Variants in POMT2 observed in about 807,000 individuals in gnomAD.
The protein encoded by POMT2 is protein O-mannosyltransferase 2.
A neutral mutation model predicts 100.0 loss-of-function variants in POMT2; 75 were observed. The ratio of observed to expected loss-of-function variants is 0.75; its 90% CI spans 0.62 to 0.91. The LOEUF is 0.91. Ranked by LOEUF, POMT2 falls within the 40% of genes least tolerant of loss-of-function variation. The pLI is 0.00. For missense variants in POMT2, 940 were observed against 955.1 expected (o/e 0.98, Z 0.21); for synonymous variants, 378 against 374.1 (o/e 1.01, Z -0.12).
At chr14:77,296,486 T>C in intron 8 of POMT2, 3 of 581,770 alleles carry the variant, frequency 5.2e-6, no homozygotes, top group Non-Finnish European at 9.3e-6. Flanking sequence ...TCCTGAGGGC[T>C]TCAGAAGAAG....
intron 8 of POMT2, 34 bp downstream of exon 8, chr14:77,298,655 C>T: frequency 6.2e-7 from 1 of 1,610,698 alleles, no homozygotes; most frequent in East Asian, 2.2e-5. Flanking sequence ...CACCCCTCTG[C>T]CTTCTACCTT....
chr14:77,279,973 C>G, intron 17 of POMT2, 45 bp from the exon 18 acceptor site: 1 of 1,614,160 alleles, frequency 6.2e-7, no homozygotes, highest in Non-Finnish European at 8.5e-7. Context: ...AGCCGCTCTC[C>G]ACGGGCAAGT....
At chr14:77,318,402 A>G (rs1451902828) in intron 1 of POMT2, among the ~76,000 whole-genome samples, 2 of 152,248 alleles carry the variant, frequency 1.3e-5, no homozygotes, top group African/African-American at 4.8e-5. Context: ...GTGCCTGATG[A>G]CATCAACACC....
chr14:77,320,317 C>T, intron 1 of POMT2, 117 bp downstream of exon 1: 3 of 1,514,100 alleles, frequency 2.0e-6, no homozygotes, highest in Non-Finnish European at 2.7e-6. Flanking sequence ...CCTCAAGTTC[C>T]CCTCCACCGT....
At chr14:77,309,125 A>G (rs1159000643) in intron 2 of POMT2, among the ~76,000 whole-genome samples, 1 of 152,246 alleles carries the variant, frequency 6.6e-6, no homozygotes, top group African/African-American at 2.4e-5. Flanking sequence ...GTGTGTATAT[A>G]TAATGTGTTG....
rs1239002319 is a variant in POMT2, at chr14:77,296,259, A to T, written c.1021T>A (p.Ser341Thr). ...ASIPEHLAYG[S>T]VITVKNLRMA... ...CGGAGGTTCTTCACAGTGATCACAG[A>T]GCCGTAGGCCAGGTCTGGGAGGAAG... The change falls in exon 9 of 21, where the codon TCT becomes ACT. Residue 341 changes from serine to threonine, a missense_variant. Ser to Thr is a moderately conservative substitution (Grantham distance 58). Coordinates refer to ENST00000261534, the MANE Select transcript of POMT2 (RefSeq NM_013382.7). The T allele has an allele frequency of 6.2e-7, 1 of 1,603,256 alleles. No individual in the cohort carries two copies. The highest frequency in any genetic ancestry group is 1.1e-5 in the South Asian group (1 of 88,586).
Position 77,320,785 on chromosome 14 carries a change from T to C in POMT2, c.-104A>G, listed in dbSNP as rs1175213956. On this transcript the variant is annotated 5_prime_UTR_variant, in exon 1 of 21. Coordinates refer to ENST00000261534, the MANE Select transcript of POMT2 (RefSeq NM_013382.7). The stretch of plus-strand genomic sequence containing the variant: ...GGGCAGCTCGGGGTACCCCGGGAAA[T>C]GCAACGCCCTTCACTGCAGCGGAGC... The C allele has an allele frequency of 1.4e-6, 2 of 1,479,506 alleles. No individual in the cohort carries two copies. The highest frequency in any genetic ancestry group is 1.8e-6 in the Non-Finnish European group (2 of 1,124,922). 91.6% of individuals were successfully genotyped at this position (1,479,506 alleles called of 1,614,324 possible).
Position 77,285,562 on chromosome 14 carries a change from T to A in POMT2, c.1403A>T (p.Lys468Ile). The change falls in exon 13 of 21, where the codon AAA becomes ATA. Residue 468 changes from lysine to isoleucine, a missense_variant. Lys to Ile is a moderately radical substitution (Grantham distance 102, BLOSUM62 -3). Coordinates refer to ENST00000261534, the MANE Select transcript of POMT2 (RefSeq NM_013382.7). ...GAAGCGAATTCGACTTCTCAGCACT[T>A]TGATCCGGTTTCCAAATTTCCTGTT... is the stretch of plus-strand genomic sequence containing the variant. The part of the protein sequence containing the change: ...VVNRKFGNRI[K>I]VLRSRIRFIH... The A allele has an allele frequency of 8.7e-6, 14 of 1,614,156 alleles. No individual in the cohort carries two copies. Among genetic ancestry groups the A allele is most frequent in the Non-Finnish European group, 1.2e-5 (14 of 1,179,984 alleles).
Position 77,298,731 on chromosome 14 carries a change from G to A in POMT2, c.964C>T (p.Arg322Trp), listed in dbSNP as rs746422226. Residue 322 changes from arginine (R) to tryptophan (W), a missense_variant, in exon 8 of 21, where the codon CGG becomes TGG. Coordinates refer to ENST00000261534, the MANE Select transcript of POMT2 (RefSeq NM_013382.7). ...TTGTGCAGGTTGTTCCCTGAAAGCC[G>A]GGCCTGGAAGGCAGAACTGAAGAAA... ...DGFFSSAFQA[R>W]LSGNNLHNAS... 13 of 1,613,502 alleles carry A rather than the reference G, an allele frequency of 8.1e-6. No individual in the cohort carries two copies. The highest frequency in any genetic ancestry group is 6.6e-5 in the South Asian group (6 of 90,840).
intron 8 of POMT2, among the ~76,000 whole-genome samples, chr14:77,298,345 T>A (rs546055943): frequency 6.6e-6 from 1 of 152,358 alleles, no homozygotes; most frequent in East Asian, 1.9e-4. Flanking sequence ...CTGTCATAGA[T>A]GAACGAATGC....
rs1002338180 is a variant in POMT2, at chr14:77,284,068, G to T, written c.1577-195C>A. The T allele has an allele frequency of 6.3e-6, 4 of 633,738 alleles. No homozygotes were observed. In the South Asian group the frequency reaches 6.9e-5, roughly 11 times the overall value. The allele number at this position is 633,738 out of a possible 1,614,324, so 39.3% of individuals were successfully genotyped here. A position where few individuals can be genotyped will look rare whatever the true frequency, so the allele number is the denominator to read the frequency against. On this transcript the variant is annotated intron_variant, in intron 14 of 20. Transcript: ENST00000261534. The stretch of plus-strand genomic sequence containing the variant: ...ATGAAGAACTCATCAGGCATTCTAA[G>T]AAATGCAAAGGAAATAGACAACAAG...
intron 15 of POMT2, among the ~76,000 whole-genome samples, chr14:77,281,026 G>A (rs994717771): frequency 1.8e-4 from 27 of 152,046 alleles, no homozygotes; most frequent in Non-Finnish European, 2.6e-4. Context: ...CCCAAGAGGC[G>A]GAGGTTGCAG....
At chr14:77,319,454 A>G (rs1594811028) in intron 1 of POMT2, 2 of 152,256 alleles carry the variant, frequency 1.3e-5, no homozygotes, top group East Asian at 1.9e-4. Flanking sequence ...GCCTCTACAC[A>G]TCATTCTGGG....
intron 15 of POMT2, among the ~76,000 whole-genome samples, chr14:77,281,149 T>G (rs1890217691): frequency 6.7e-6 from 1 of 148,782 alleles, no homozygotes. Flanking sequence ...TAATAAGGCT[T>G]ACTTATTTGT....
At chr14:77,310,717 C>T (rs1267136823) in intron 2 of POMT2, among the ~76,000 whole-genome samples, 3 of 152,190 alleles carry the variant, frequency 2.0e-5, no homozygotes, top group Admixed American at 6.5e-5. Context: ...AAGATCCCTC[C>T]CCACTTAATC....
intron 1 of POMT2, chr14:77,312,357 A>T: frequency 3.6e-6 from 1 of 280,938 alleles, no homozygotes; most frequent in Admixed American, 5.1e-5. Context: ...TAATATGGAA[A>T]GGTTTGTAGT....
rs562424763 is a variant in POMT2 at position 77,311,001 on chromosome 14, C to T, written c.333+948G>A. ...ATACAAAAATTAGCCAGCGTGGTGG[C>T]GGGCGCCTGTAATCCCAGCTACTTG... is the stretch of plus-strand genomic sequence containing the variant. On this transcript the variant is annotated intron_variant, in intron 2 of 20. Coordinates refer to ENST00000261534, the MANE Select transcript of POMT2 (RefSeq NM_013382.7). Among the ~76,000 whole-genome samples the T allele has an allele frequency of 3.9e-5, 6 of 152,268 alleles. No homozygotes were observed. In the South Asian group the frequency reaches 1.0e-3, roughly 26 times the overall value.
chr14:77,299,369 A>C, intron 7 of POMT2, 86 bp downstream of exon 7: 1 of 1,199,094 alleles, frequency 8.3e-7, no homozygotes, highest in Non-Finnish European at 1.2e-6. Context: ...TTTTAACCAC[A>C]GACCCAGAAA....
chr14:77,288,729 C>T, intron 11 of POMT2, 33 bp downstream of exon 11: 2 of 1,581,396 alleles, frequency 1.3e-6, no homozygotes, highest in Non-Finnish European at 1.7e-6. Context: ...GGTGCCCGTA[C>T]CATTTATTTA....
Sources: allele counts gnomAD v4.1 joint callset (sites outside exome capture counted in the v4.1 genomes callset), GRCh38; gene constraint gnomAD v4.1.1; transcripts MANE v1.5; gene names NCBI Gene and HGNC (gene_info 2026-07-23, HGNC 2026-07-21).